The following ASGR2 variants were observed in gnomAD, a reference collection of about 807,000 sequenced individuals.
ASGR2 encodes the protein C-type lectin domain family 4 member H2.
Under a neutral mutation model 32.3 loss-of-function variants are expected in ASGR2, and 34 were observed. The observed-to-expected ratio is 1.05, with a 90% CI of 0.80 to 1.40. ASGR2 has a LOEUF of 1.40. Among genes scored for constraint, ASGR2 ranks in the 40% most tolerant of loss-of-function variants. The pLI, the probability that ASGR2 is intolerant of heterozygous loss-of-function variation, is 0.00. For synonymous variants in ASGR2, 143 were observed against 150.0 expected, an observed-to-expected ratio of 0.95 and a Z score of 0.34; for missense variants, 385 against 386.4, an observed-to-expected ratio of 1.00 and a Z score of 0.03.
chr17:7,113,432 TACACAACACTCACACAACACACAAA>T lies in ASGR2; in HGVS notation c.124+660_124+684del. Among the ~76,000 whole-genome samples the T allele has an allele frequency of 7.4e-6, 1 of 135,294 alleles. No individual in the cohort carries two copies. 88.8% of individuals were successfully genotyped at this position (135,294 alleles called of 152,430 possible). ...GCACAACATACACACACGCACAACA[TACACAACACTCACACAACACACAAA>T]CATACATACACTCACACAATACACA... On this transcript the variant is annotated intron_variant, in intron 2 of 8. Transcript: ENST00000691900. The surrounding 1 kb of genome is among the most constrained non-coding windows in gnomAD (Gnocchi z 5.1).
chr17:7,109,009 G>T, intron 2 of ASGR2, 121 bp from the exon 3 acceptor site: 1 of 879,926 alleles, frequency 1.1e-6, no homozygotes, highest in Non-Finnish European at 1.7e-6. Flanking sequence ...GCCATGGGGG[G>T]GGGTCATCAT....
At chr17:7,111,533 G>A (rs1485564491) in intron 2 of ASGR2, among the ~76,000 whole-genome samples, 2 of 152,020 alleles carry the variant, frequency 1.3e-5, no homozygotes, top group Non-Finnish European at 2.9e-5. Context: ...GCAGGCGCCT[G>A]TAGTCCCAGC....
Position 7,113,738 on chromosome 17 carries a change from C to T in ASGR2, c.124+379G>A, listed in dbSNP as rs549712450. Reference sequence around the variant, plus strand: ...CACACAACATACCCTCTCACATACACGACATACACACACACAACATATGCA... The same window carrying T: ...CACACAACATACCCTCTCACATACATGACATACACACACACAACATATGCA... On this transcript the variant is annotated intron_variant, in intron 2 of 8. Transcript: ENST00000691900. This position sits in a 1 kb window ranked among gnomAD's most constrained non-coding sequence, Gnocchi z 5.1. Among the ~76,000 whole-genome samples, 28 of 124,906 alleles carry T rather than the reference C, an allele frequency of 2.2e-4. No individual in the cohort carries two copies. Among genetic ancestry groups the T allele is most frequent in the Admixed American group, 7.3e-4 (9 of 12,292 alleles). 81.9% of individuals were successfully genotyped at this position (124,906 alleles called of 152,430 possible).
At chr17:7,109,012 G>T (rs1914277125) in intron 2 of ASGR2, 124 bp from the exon 3 acceptor site, 3 of 632,934 alleles carry the variant, frequency 4.7e-6, no homozygotes, top group Admixed American at 2.6e-5. Flanking sequence ...ATGGGGGGGG[G>T]TCATCATAGG....
chr17:7,111,461 C>A (rs1055256808), intron 2 of ASGR2, among the ~76,000 whole-genome samples: 14 of 151,864 alleles, frequency 9.2e-5, no homozygotes, highest in East Asian at 3.9e-4. Flanking sequence ...TCGACACCAT[C>A]CTGGCTAACA....
At chr17:7,112,777 G>T (rs1157477967) in intron 2 of ASGR2, among the ~76,000 whole-genome samples, 1 of 151,938 alleles carries the variant, frequency 6.6e-6, no homozygotes, top group Non-Finnish European at 1.5e-5. Flanking sequence ...CAGGAATGAG[G>T]AGTCCCTCAT....
In ASGR2 at chr17:7,107,440, AC is replaced by A; in HGVS notation, c.410-124del. On this transcript the variant is annotated intron_variant, in intron 5 of 8. Transcript: ENST00000691900. This position sits in a 1 kb window ranked among gnomAD's most constrained non-coding sequence, Gnocchi z 5.0. ...ACACCATGCATAGACCACACCACAC[AC>A]CATACCACACACACACCACAGACAT... 1.1e-6 allele frequency: 1 copy of A among 904,170 alleles called. No homozygotes were observed. The highest frequency in any genetic ancestry group is 1.7e-6 in the Non-Finnish European group (1 of 580,742). 56.0% of individuals were successfully genotyped at this position (904,170 alleles called of 1,614,324 possible).
chr17:7,103,095 G>A (rs1205575394), intron 7 of ASGR2, among the ~76,000 whole-genome samples: 2 of 152,238 alleles, frequency 1.3e-5, no homozygotes, highest in East Asian at 3.8e-4. Flanking sequence ...TGTGGAGAAA[G>A]TGGAGAGGGA....
rs1261153618 is a variant in ASGR2 at position 7,113,788 on chromosome 17, C to T, written c.124+329G>A. Among the ~76,000 whole-genome samples, 1 of 120,174 alleles carries T rather than the reference C, an allele frequency of 8.3e-6. No individual in the cohort carries two copies. Among genetic ancestry groups the T allele is most frequent in the Non-Finnish European group, 1.8e-5 (1 of 55,918 alleles). 78.8% of individuals were successfully genotyped at this position (120,174 alleles called of 152,430 possible). A position where few individuals can be genotyped will look rare whatever the true frequency, so the allele number is the denominator to read the frequency against. ...ACGCTCTCGCGCACATATACACACACACAACATTCACTCACACACACACAC... is the reference window on the plus strand; with the variant it reads ...ACGCTCTCGCGCACATATACACACATACAACATTCACTCACACACACACAC... On this transcript the variant is annotated intron_variant, in intron 2 of 8. Coordinates refer to ENST00000691900, the MANE Select transcript of ASGR2 (RefSeq NM_001201352.2). The surrounding 1 kb of genome is among the most constrained non-coding windows in gnomAD (Gnocchi z 5.1).
At chr17:7,104,986 A>AG (rs1408248637) in intron 7 of ASGR2, among the ~76,000 whole-genome samples, 3 of 151,018 alleles carry the variant, frequency 2.0e-5, no homozygotes, top group African/African-American at 7.4e-5. Flanking sequence ...AAAAAAAAAA[A>AG]AAATTTTTTT....
chr17:7,103,962 A>C (rs1430195657), intron 7 of ASGR2, among the ~76,000 whole-genome samples: 1 of 151,866 alleles, frequency 6.6e-6, no homozygotes, highest in African/African-American at 2.4e-5. Context: ...CATGCTTCAA[A>C]AATTTTAAAA....
At position 7,108,926 on chromosome 17, in the gene ASGR2, G is replaced by A; in HGVS notation, c.125-38C>T. 2.6e-6 allele frequency: 4 copies of A among 1,551,514 alleles called. No individual in the cohort carries two copies. The highest frequency in any genetic ancestry group is 1.2e-5 in the South Asian group (1 of 84,206). ...GGCATCAGGAGCCGGCAGCCTGGGT[G>A]TGGGGAGCCGGAGGGTAAAGACAGG... On this transcript the variant is annotated intron_variant, in intron 2 of 8. Transcript: ENST00000691900. This position sits in a 1 kb window ranked among gnomAD's most constrained non-coding sequence, Gnocchi z 4.9.
At chr17:7,109,520 A>G (rs1914351150) in intron 2 of ASGR2, among the ~76,000 whole-genome samples, 1 of 151,682 alleles carries the variant, frequency 6.6e-6, no homozygotes, top group African/African-American at 2.4e-5. Context: ...ATCCCCCACC[A>G]CGCAAGGCCT....
Position 7,102,194 on chromosome 17 carries a change from T to C in ASGR2, c.651A>G (p.Lys217=). ...LVVINSWEEQ[K]FIVQHTNPFN... ...AGGGGTTCGTGTGTTGTACAATGAA[T>C]TTCTGGAAACACAGGCAAACAGGAA... Residue 217 remains lysine (K), a splice_region_variant and synonymous_variant, in exon 8 of 9, where the codon AAA becomes AAG. Coordinates refer to ENST00000691900, the MANE Select transcript of ASGR2 (RefSeq NM_001201352.2). 6.2e-7 allele frequency: 1 copy of C among 1,613,492 alleles called. No homozygotes were observed. Among genetic ancestry groups the C allele is most frequent in the Non-Finnish European group, 8.5e-7 (1 of 1,179,436 alleles).
chr17:7,109,509 C>T (rs1914348196), intron 2 of ASGR2, among the ~76,000 whole-genome samples: 1 of 152,106 alleles, frequency 6.6e-6, no homozygotes, highest in Non-Finnish European at 1.5e-5. Context: ...CTGTTGTCCT[C>T]ATCCCCCACC....
chr17:7,102,292 G>T, intron 7 of ASGR2, 96 bp from the exon 8 acceptor site: 4 of 1,009,164 alleles, frequency 4.0e-6, no homozygotes, highest in South Asian at 1.3e-5. Context: ...GCCTTCCCCA[G>T]CCTGATCTGC....
chr17:7,107,456 A>G lies in ASGR2; in HGVS notation c.410-139T>C. On this transcript the variant is annotated intron_variant, in intron 5 of 8. Coordinates refer to ENST00000691900, the MANE Select transcript of ASGR2 (RefSeq NM_001201352.2). The surrounding 1 kb of genome is among the most constrained non-coding windows in gnomAD (Gnocchi z 5.0). ...ACACCACACACCATACCACACACAC[A>G]CCACAGACATGTACACCACACATAG... 1 of 822,706 alleles carries G rather than the reference A, an allele frequency of 1.2e-6. No individual in the cohort carries two copies. Among genetic ancestry groups the G allele is most frequent in the South Asian group, 1.6e-5 (1 of 61,882 alleles). The allele number at this position is 822,706 out of a possible 1,614,324, so 51.0% of individuals were successfully genotyped here. A position where few individuals can be genotyped will look rare whatever the true frequency, so the allele number is the denominator to read the frequency against.
rs138787117 is a variant in ASGR2 at position 7,108,748 on chromosome 17, C to G, written c.241+24G>C. 1.5e-3 allele frequency: 2,372 copies of G among 1,614,018 alleles called. 21 individuals carry two copies. In the African/African-American group the frequency reaches 0.028, roughly 19 times the overall value. On this transcript the variant is annotated intron_variant, in intron 3 of 8. Transcript: ENST00000691900. The surrounding 1 kb of genome is among the most constrained non-coding windows in gnomAD (Gnocchi z 4.9). ...TCTCTTTCCCTACCCCTTGCCCATCCCTGCTGGCCCCCGTGACCCTCACTT... is the reference window on the plus strand; with the variant it reads ...TCTCTTTCCCTACCCCTTGCCCATCGCTGCTGGCCCCCGTGACCCTCACTT...
Position 7,107,080 on chromosome 17 carries a change from C to A in ASGR2, c.568G>T (p.Gly190Trp), listed in dbSNP as rs766538747. 4 of 1,614,016 alleles carry A rather than the reference C, an allele frequency of 2.5e-6. No homozygotes were observed. The East Asian group carries it at 6.7e-5, about 27-fold the overall frequency. The change falls in exon 7 of 9, where the codon GGG becomes TGG. Residue 190 changes from glycine (G) to tryptophan (W), a missense_variant. Coordinates refer to ENST00000691900, the MANE Select transcript of ASGR2 (RefSeq NM_001201352.2). This position sits in a 1 kb window ranked among gnomAD's most constrained non-coding sequence, Gnocchi z 5.0. ...QGSCYWFSHSGKAWAEAEKYC... is the reference protein window; with the variant it reads ...QGSCYWFSHSWKAWAEAEKYC... ...TTCTCCGCCTCAGCCCAGGCCTTCCCGGAGTGAGAGAACCAGTAGCAGCTG... is the reference window on the plus strand; with the variant it reads ...TTCTCCGCCTCAGCCCAGGCCTTCCAGGAGTGAGAGAACCAGTAGCAGCTG...
Sources: gnomAD v4.1 joint callset for allele counts (sites outside exome capture counted in the v4.1 genomes callset) on GRCh38, gnomAD v4.1.1 for gene constraint, Gnocchi (gnomAD v3.1) non-coding constraint, MANE v1.5 for transcripts, NCBI Gene and HGNC (gene_info 2026-07-23, HGNC 2026-07-21) for gene names.